The following NISCH variants were observed in gnomAD, a reference collection of about 807,000 sequenced individuals.
NISCH encodes the protein nischarin.
Under a neutral mutation model 138.4 loss-of-function variants are expected in NISCH, and 55 were observed. The observed-to-expected ratio is 0.40, with a 90% confidence interval of 0.32 to 0.50. The LOEUF is 0.50. NISCH is among the 20% of genes least tolerant of loss of function. The probability of loss-of-function intolerance (pLI) is 0.71; values close to 1 mark genes in which losing one functional copy is unlikely to be tolerated. For synonymous variants in NISCH, 860 were observed against 861.5 expected (o/e 1.00, Z 0.03); for missense variants, 1,643 against 2,005.5 (o/e 0.82, Z 3.45).
In NISCH at chr3:52,489,651, C is replaced by G. The variant is rs149501368; in HGVS notation, c.3429C>G (p.Ile1143Met). ...CCAGCCTGCGGGGCAGCGCCATCATCGAGCTCTTCCACAGCAGCATTGCTG... is the reference window on the plus strand; with the variant it reads ...CCAGCCTGCGGGGCAGCGCCATCATGGAGCTCTTCCACAGCAGCATTGCTG... ...HVASLRGSAI[I>M]ELFHSSIAEV... Residue 1143 changes from isoleucine to methionine, a missense_variant, in exon 17 of 21, where the codon ATC becomes ATG. Coordinates refer to ENST00000345716, the MANE Select transcript of NISCH (RefSeq NM_007184.4). 1 of 1,612,698 alleles carries G rather than the reference C, an allele frequency of 6.2e-7. No homozygotes were observed. The highest frequency in any genetic ancestry group is 2.2e-5 in the East Asian group (1 of 44,880).
At chr3:52,478,332 T>A (rs1345843672) in intron 10 of NISCH, 50 bp downstream of exon 10, 2 of 1,608,004 alleles carry the variant, frequency 1.2e-6, no homozygotes, top group Admixed American at 1.7e-5. Context: ...TTGGTGTGTA[T>A]CATGTTAAAG....
intron 3 of NISCH, among the ~76,000 whole-genome samples, chr3:52,461,103 G>C (rs2153230688): frequency 6.6e-6 from 1 of 152,280 alleles, no homozygotes; most frequent in African/African-American, 2.4e-5. Flanking sequence ...AGCTGCGCGT[G>C]GTGACTCATG....
chr3:52,468,770 T>C (rs1414341607), intron 3 of NISCH, among the ~76,000 whole-genome samples: 1 of 152,160 alleles, frequency 6.6e-6, no homozygotes, highest in African/African-American at 2.4e-5. Context: ...GGAGGAGTTA[T>C]TCTCGTGCTG....
Position 52,487,637 on chromosome 3 carries a change from GA to G in NISCH, c.2146del (p.Ile716SerfsTer257). 1 of 1,613,912 alleles carries G rather than the reference GA, an allele frequency of 6.2e-7. No individual in the cohort carries two copies. The highest frequency in any genetic ancestry group is 8.5e-7 in the Non-Finnish European group (1 of 1,180,020). ...TCCTCAAGGTGCTGTGGTGCTTCCTGATCCATGTGCAGGGCAGTATCCGCCA... is the reference window on the plus strand; with the variant it reads ...TCCTCAAGGTGCTGTGGTGCTTCCTGTCCATGTGCAGGGCAGTATCCGCCA... The part of the protein sequence containing the change: ...RILKVLWCFL[I>X]HVQGSIRQFA... On this transcript the variant is annotated frameshift_variant, in exon 16 of 21. Coordinates refer to ENST00000345716, the MANE Select transcript of NISCH (RefSeq NM_007184.4). LOFTEE classifies it high-confidence loss of function. This position sits in a 1 kb window ranked among gnomAD's most constrained non-coding sequence, Gnocchi z 9.1.
intron 1 of NISCH, among the ~76,000 whole-genome samples, chr3:52,456,534 C>T (rs1706475676): frequency 6.6e-6 from 1 of 152,174 alleles, no homozygotes; most frequent in African/African-American, 2.4e-5. Flanking sequence ...TGGCAAAAAC[C>T]GGCCCTGGAC....
At chr3:52,484,343 T>G in intron 13 of NISCH, 170 bp from the exon 14 acceptor site, 1 of 583,698 alleles carries the variant, frequency 1.7e-6, no homozygotes, top group South Asian at 2.3e-5. Flanking sequence ...TTGAGTTATT[T>G]TGAGATTTCA....
In NISCH at chr3:52,487,872, A is replaced by G; in HGVS notation, c.2380A>G (p.Ile794Val). ...GCACAGTGAGAACACGCTCTTCATT[A>G]TCTCGGACGCCGCCAACCTGCACGA... ...VRHSENTLFI[I>V]SDAANLHEFH... is the part of the protein sequence containing the mutation. Residue 794 changes from isoleucine to valine, a missense_variant, in exon 16 of 21, where the codon ATC becomes GTC. Coordinates refer to ENST00000345716, the MANE Select transcript of NISCH (RefSeq NM_007184.4). The surrounding 1 kb of genome is among the most constrained non-coding windows in gnomAD (Gnocchi z 9.1). 6 of 1,612,002 alleles carry G rather than the reference A, an allele frequency of 3.7e-6. No individual in the cohort carries two copies. Among genetic ancestry groups the G allele is most frequent in the African/African-American group, 1.3e-5 (1 of 74,600 alleles).
chr3:52,487,290 C>A lies in NISCH; in HGVS notation c.1798C>A (p.Gln600Lys), dbSNP rs1707425690. 3 of 1,614,186 alleles carry A rather than the reference C, an allele frequency of 1.9e-6. No homozygotes were observed. Among genetic ancestry groups the A allele is most frequent in the Non-Finnish European group, 2.5e-6 (3 of 1,180,048 alleles). ...CTGCATTGGCTACACGGCCACCAAT[C>A]AGGACTTCATCCAGCGCCTGAGCAC... ...FTCIGYTATN[Q>K]DFIQRLSTLI... is the part of the protein sequence containing the mutation. The change falls in exon 16 of 21, where the codon CAG becomes AAG. Residue 600 changes from glutamine (Q) to lysine (K), a missense_variant. Physicochemically the swap from Gln to Lys is moderately conservative, Grantham distance 53. Coordinates refer to ENST00000345716, the MANE Select transcript of NISCH (RefSeq NM_007184.4). This position sits in a 1 kb window ranked among gnomAD's most constrained non-coding sequence, Gnocchi z 9.1.
At chr3:52,486,261 G>T (rs965454196) in intron 15 of NISCH, among the ~76,000 whole-genome samples, 2 of 151,930 alleles carry the variant, frequency 1.3e-5, no homozygotes, top group African/African-American at 2.4e-5. Context: ...GACCACAGGC[G>T]CACGCCACCA....
chr3:52,479,678 GC>G, intron 11 of NISCH, 70 bp from the exon 12 acceptor site: 1 of 1,080,142 alleles, frequency 9.3e-7, no homozygotes. Flanking sequence ...CATGCTGATA[GC>G]CATCACCAGT....
chr3:52,480,577 C>T (rs1707244282), intron 13 of NISCH: 4 of 1,443,348 alleles, frequency 2.8e-6, no homozygotes, highest in Non-Finnish European at 3.6e-6. Flanking sequence ...CTGAGGCTGC[C>T]CTCTGAACAG....
In NISCH at chr3:52,491,857, G is replaced by A. The variant is rs765576964; in HGVS notation, c.3905-15G>A. 6 of 1,570,654 alleles carry A rather than the reference G, an allele frequency of 3.8e-6. No individual in the cohort carries two copies. Among genetic ancestry groups the A allele is most frequent in the Non-Finnish European group, 5.2e-6 (6 of 1,154,742 alleles). ...GCCGGTTCCAGGCTATAGCCCAGGT[G>A]GCATCTCTCTGCAGGGAAGATGGAG... On this transcript the variant is annotated splice_polypyrimidine_tract_variant and intron_variant, in intron 20 of 20. Transcript: ENST00000345716.
Position 52,492,757 on chromosome 3 carries a change from T to C in NISCH, c.*275T>C, listed in dbSNP as rs537287859. 9.0e-5 allele frequency: 43 copies of C among 480,340 alleles called. No individual in the cohort carries two copies. In the East Asian group the frequency reaches 1.3e-3, roughly 15 times the overall value. The allele number at this position is 480,340 out of a possible 1,614,324, so 29.8% of individuals were successfully genotyped here. ...GTGTCTGCTGTTGTGGGACCGTTGT[T>C]AACACGTGACACTGTGGGTCTGACT... On this transcript the variant is annotated 3_prime_UTR_variant, in exon 21 of 21. Transcript: ENST00000345716.
At chr3:52,484,462 T>TGGGGGCCCCCCCCC in intron 13 of NISCH, 51 bp from the exon 14 acceptor site, 4 of 788,670 alleles carry the variant, frequency 5.1e-6, no homozygotes, top group Non-Finnish European at 7.3e-6. Flanking sequence ...ACAGCCGCTC[T>TGGGGGCCCCCCCCC]CCCCGCCCCA....
At chr3:52,485,632 G>C in intron 14 of NISCH, 146 bp from the exon 15 acceptor site, 1 of 833,424 alleles carries the variant, frequency 1.2e-6, no homozygotes, top group South Asian at 1.7e-5. Context: ...GGGTCCCAGA[G>C]TGGGCTCCAG....
chr3:52,491,726 G>T, intron 20 of NISCH, 146 bp from the exon 21 acceptor site: 1 of 1,173,882 alleles, frequency 8.5e-7, no homozygotes, highest in African/African-American at 1.5e-5. Context: ...GCCTGCTTTG[G>T]GCTCCTGGCC....
intron 13 of NISCH, chr3:52,481,003 G>A (rs1460635058): frequency 1.4e-5 from 20 of 1,415,734 alleles, no homozygotes; most frequent in Admixed American, 5.6e-5. Context: ...AGGAAAGGAC[G>A]CCGCCTGCCC....
intron 13 of NISCH, 22 bp downstream of exon 13, chr3:52,480,317 T>TTC: frequency 1.2e-6 from 2 of 1,613,366 alleles, no homozygotes; most frequent in Non-Finnish European, 1.7e-6. Flanking sequence ...TGTATCTTGC[T>TTC]TCTAGTGGAG....
chr3:52,483,574 G>T (rs552723138), intron 13 of NISCH, among the ~76,000 whole-genome samples: 204 of 152,368 alleles, frequency 1.3e-3, no homozygotes, highest in African/African-American at 4.5e-3. Context: ...GACGCAGTGG[G>T]TCAGAGTGCT....
Sources: gnomAD v4.1 joint callset for allele counts (sites outside exome capture counted in the v4.1 genomes callset) on GRCh38, gnomAD v4.1.1 for gene constraint, Gnocchi (gnomAD v3.1) non-coding constraint, MANE v1.5 for transcripts, NCBI Gene and HGNC (gene_info 2026-07-23, HGNC 2026-07-21) for gene names.